ANKS1B: variants seen among roughly 807,000 people sequenced by gnomAD.
ANKS1B encodes ankyrin repeat and sterile alpha motif domain-containing protein 1B.
A neutral mutation model predicts 148.3 loss-of-function variants in ANKS1B; 36 were observed. The observed-to-expected ratio is 0.24, with a 90% CI of 0.19 to 0.32. The LOEUF (loss-of-function observed/expected upper bound fraction) is 0.32, where lower values mean the gene tolerates loss of function less well. Ranked by LOEUF, ANKS1B falls within the 10% of genes least tolerant of loss-of-function variation. The pLI is 1.00. For synonymous variants in ANKS1B, 542 were observed against 560.8 expected, an observed-to-expected ratio of 0.97 and a Z score of 0.47; for missense variants, 1,157 against 1,542.6, an observed-to-expected ratio of 0.75 and a Z score of 4.19.
intron 17 of ANKS1B, among the ~76,000 whole-genome samples, chr12:98,851,807 C>T (rs1411265966): frequency 5.9e-5 from 9 of 151,810 alleles, no homozygotes; most frequent in African/African-American, 1.7e-4. Flanking sequence ...GGGTGGATCA[C>T]GAGGTCAAGA....
chr12:99,682,705 A>G lies in ANKS1B; in HGVS notation c.1129-27495T>C, dbSNP rs572172576. On this transcript the variant is annotated intron_variant, in intron 8 of 26. Coordinates refer to ENST00000683438, the MANE Select transcript of ANKS1B (RefSeq NM_001352186.2). ...GGTCACACTTCAAGGAACTAGAGAA[A>G]GAAGAACAAGCCAAACCCAAACCCA... Among the ~76,000 whole-genome samples the G allele has an allele frequency of 3.7e-4, 56 of 152,284 alleles. 1 individual carries two copies. Among genetic ancestry groups the G allele is most frequent in the African/African-American group, 1.3e-3 (56 of 41,570 alleles).
intron 17 of ANKS1B, among the ~76,000 whole-genome samples, chr12:98,851,286 T>C (rs2099523971): frequency 6.6e-6 from 1 of 151,792 alleles, no homozygotes; most frequent in Admixed American, 6.6e-5. Flanking sequence ...TCTTAGGGAG[T>C]AGGTTCAGAG....
chr12:99,038,863 C>T (rs2099957159), intron 17 of ANKS1B, among the ~76,000 whole-genome samples: 1 of 152,224 alleles, frequency 6.6e-6, no homozygotes. Flanking sequence ...CTTTCCTGAT[C>T]ACCCTCCTGA....
rs1224470952 is a variant in ANKS1B at position 98,836,485 on chromosome 12, C to T, written c.2779-4349G>A. ...AGTTGACAGTAAGAAATCCAATTGGCAAAACAATAACAGAGAGAATATTCC... is the reference window on the plus strand; with the variant it reads ...AGTTGACAGTAAGAAATCCAATTGGTAAAACAATAACAGAGAGAATATTCC... On this transcript the variant is annotated intron_variant, in intron 17 of 26. Transcript: ENST00000683438. Among the ~76,000 whole-genome samples the T allele has an allele frequency of 2.6e-5, 4 of 152,128 alleles. No homozygotes were observed. The East Asian group carries it at 5.8e-4, about 22-fold the overall frequency.
intron 9 of ANKS1B, among the ~76,000 whole-genome samples, chr12:99,650,260 A>G (rs565374276): frequency 2.2e-5 from 2 of 92,852 alleles, no homozygotes; most frequent in South Asian, 2.9e-4. Flanking sequence ...TTTCCAAAAT[A>G]TAAAATGAGA....
At chr12:99,189,680 G>A (rs559099418) in intron 14 of ANKS1B, among the ~76,000 whole-genome samples, 15 of 152,030 alleles carry the variant, frequency 9.9e-5, no homozygotes, top group African/African-American at 3.4e-4. Flanking sequence ...AGGTATTGAC[G>A]GAACTTATCT....
intron 1 of ANKS1B, among the ~76,000 whole-genome samples, chr12:99,907,458 T>C (rs1191645753): frequency 6.6e-6 from 1 of 152,154 alleles, no homozygotes; most frequent in Non-Finnish European, 1.5e-5. Flanking sequence ...AGCAACCCTA[T>C]GGTGGAGTTT....
At chr12:99,134,197 T>G (rs900624426) in intron 15 of ANKS1B, among the ~76,000 whole-genome samples, 6 of 152,192 alleles carry the variant, frequency 3.9e-5, no homozygotes, top group African/African-American at 1.4e-4. Flanking sequence ...TTTCAAGATG[T>G]GTACTGAGCC....
intron 15 of ANKS1B, among the ~76,000 whole-genome samples, chr12:99,116,300 GC>G (rs1305011069): frequency 6.6e-6 from 1 of 152,146 alleles, no homozygotes; most frequent in Non-Finnish European, 1.5e-5. Flanking sequence ...CACTATAGCT[GC>G]CTCAGGGTGT....
chr12:99,188,050 C>T (rs2080111902), intron 14 of ANKS1B, among the ~76,000 whole-genome samples: 1 of 152,104 alleles, frequency 6.6e-6, no homozygotes, highest in South Asian at 2.1e-4. Context: ...CAATCCTAGT[C>T]TCTGATAAAA....
intron 15 of ANKS1B, among the ~76,000 whole-genome samples, chr12:99,115,932 C>CA (rs60585792): frequency 0.15 from 9,540 of 64,410 alleles, 588 homozygotes; most frequent in Non-Finnish European, 0.21. Flanking sequence ...GACTCCGTCT[C>CA]AAAAAAAAAA....
intron 9 of ANKS1B, among the ~76,000 whole-genome samples, chr12:98,736,186 C>G (rs1351754057): frequency 6.6e-6 from 1 of 152,132 alleles, no homozygotes; most frequent in Non-Finnish European, 1.5e-5. Flanking sequence ...TAAGCTTTAA[C>G]GAATCACCCA....
At chr12:99,421,420 C>A (rs138000468) in intron 11 of ANKS1B, among the ~76,000 whole-genome samples, 1 of 152,076 alleles carries the variant, frequency 6.6e-6, no homozygotes, top group Admixed American at 6.5e-5. Flanking sequence ...CTTCCGGGGG[C>A]GTCTCTGATG....
At chr12:98,913,223 T>C (rs574666441) in intron 17 of ANKS1B, among the ~76,000 whole-genome samples, 19 of 152,320 alleles carry the variant, frequency 1.2e-4, no homozygotes, top group African/African-American at 4.1e-4. Flanking sequence ...TCCCACCCTC[T>C]ACTGATGTGT....
intron 1 of ANKS1B, among the ~76,000 whole-genome samples, chr12:99,919,774 A>G (rs1463243275): frequency 1.7e-5 from 2 of 121,108 alleles, no homozygotes; most frequent in African/African-American, 7.3e-5. Flanking sequence ...AATGTGCTGC[A>G]GAGTTAAAAA....
intron 17 of ANKS1B, among the ~76,000 whole-genome samples, chr12:98,993,977 T>A (rs1382040573): frequency 6.6e-6 from 1 of 152,218 alleles, no homozygotes; most frequent in African/African-American, 2.4e-5. Flanking sequence ...AATGAAGTAA[T>A]TTTTATATAA....
intron 9 of ANKS1B, chr12:99,648,307 A>G (rs1207975360): frequency 6.2e-7 from 1 of 1,614,046 alleles, no homozygotes; most frequent in Admixed American, 1.7e-5. Flanking sequence ...GTATGCACCC[A>G]TGTTTGAGAG....
At chr12:99,086,148 A>C (rs2051712376) in intron 15 of ANKS1B, among the ~76,000 whole-genome samples, 1 of 152,188 alleles carries the variant, frequency 6.6e-6, no homozygotes, top group Non-Finnish European at 1.5e-5. Flanking sequence ...GTTCAAAGGC[A>C]GTTAGGTAGG....
chr12:98,837,739 T>C (rs889285152), intron 17 of ANKS1B, among the ~76,000 whole-genome samples: 4 of 152,212 alleles, frequency 2.6e-5, no homozygotes, highest in African/African-American at 9.6e-5. Context: ...TCAATGTACT[T>C]AAACTTCCTT....
Sources: allele counts gnomAD v4.1 joint callset (sites outside exome capture counted in the v4.1 genomes callset), GRCh38; gene constraint gnomAD v4.1.1; transcripts MANE v1.5; gene names NCBI Gene and HGNC (gene_info 2026-07-23, HGNC 2026-07-21).